Variants in LRRK1 observed in about 807,000 individuals in gnomAD.
The protein encoded by LRRK1 is leucine-rich repeat serine/threonine-protein kinase 1.
In LRRK1, 113 loss-of-function variants were observed where a neutral mutation model predicts 209.1. That is an observed-to-expected ratio of 0.54 (90% CI 0.46 to 0.63). The LOEUF is 0.63. Among genes scored for constraint, LRRK1 ranks in the 30% least tolerant of loss-of-function variants. The pLI, the probability that LRRK1 is intolerant of heterozygous loss-of-function variation, is 0.00. For missense variants in LRRK1, 2,284 were observed against 2,632.2 expected (o/e 0.87, Z 2.89); for synonymous variants, 1,144 against 1,099.7 (o/e 1.04, Z -0.80).
intron 1 of LRRK1, among the ~76,000 whole-genome samples, chr15:100,922,042 G>T (rs2141588321): frequency 6.6e-6 from 1 of 152,230 alleles, no homozygotes; most frequent in South Asian, 2.1e-4. Flanking sequence ...TAAATGTTTA[G>T]GTTTATTCAT....
chr15:100,941,330 G>GTGTGTGTGTGTC (rs2042408593), intron 2 of LRRK1, among the ~76,000 whole-genome samples: 1 of 150,356 alleles, frequency 6.7e-6, no homozygotes, highest in African/African-American at 2.5e-5. Context: ...GTGTGTGTCT[G>GTGTGTGTGTGTC]TGTCTCTGTG....
intron 16 of LRRK1, among the ~76,000 whole-genome samples, 154 bp from the exon 17 acceptor site, chr15:101,025,811 G>A (rs2034000538): frequency 6.6e-6 from 1 of 152,216 alleles, no homozygotes; most frequent in Non-Finnish European, 1.5e-5. Flanking sequence ...AGATTTGGAG[G>A]AGGCAAACAT....
intron 2 of LRRK1, among the ~76,000 whole-genome samples, chr15:100,969,471 C>T (rs2030713999): frequency 6.6e-6 from 1 of 152,044 alleles, no homozygotes; most frequent in Admixed American, 6.5e-5. Flanking sequence ...CATGATTCAT[C>T]TCAGTTATTT....
chr15:101,040,491 C>A (rs1363412373), intron 20 of LRRK1, among the ~76,000 whole-genome samples: 1 of 151,892 alleles, frequency 6.6e-6, no homozygotes, highest in African/African-American at 2.4e-5. Flanking sequence ...TTGCTGATTT[C>A]TTCTATTATT....
In LRRK1 at chr15:100,932,924, C is replaced by T. The variant is rs550310167; in HGVS notation, c.97+8195C>T. 2.6e-5 allele frequency among the ~76,000 whole-genome samples: 4 copies of T among 152,290 alleles called. No individual in the cohort carries two copies. The East Asian group carries it at 5.8e-4, about 22-fold the overall frequency. On this transcript the variant is annotated intron_variant, in intron 2 of 33. Coordinates refer to ENST00000388948, the MANE Select transcript of LRRK1 (RefSeq NM_024652.6). ...GTGACTTTAAATGACATGTTCCCTTCGTGATGACGAGTGCCTGGAGACCCA... is the reference window on the plus strand; with the variant it reads ...GTGACTTTAAATGACATGTTCCCTTTGTGATGACGAGTGCCTGGAGACCCA...
chr15:101,053,516 C>A, intron 26 of LRRK1, 96 bp downstream of exon 26: 4 of 1,141,096 alleles, frequency 3.5e-6, no homozygotes, highest in Non-Finnish European at 4.9e-6. Context: ...GTGGCCTTGG[C>A]AAGCCCAGGG....
At chr15:100,946,342 G>A (rs984284291) in intron 2 of LRRK1, among the ~76,000 whole-genome samples, 8 of 151,722 alleles carry the variant, frequency 5.3e-5, no homozygotes, top group Non-Finnish European at 7.4e-5. Context: ...TAGTTGCAGC[G>A]TATGCTAAAA....
intron 6 of LRRK1, among the ~76,000 whole-genome samples, chr15:100,999,696 T>C (rs2032597770): frequency 3.3e-5 from 5 of 152,250 alleles, no homozygotes; most frequent in Admixed American, 3.3e-4. Flanking sequence ...ATTAGGAGAC[T>C]TGGGGAGCTG....
At chr15:101,005,985 A>G (rs2032930895) in intron 6 of LRRK1, among the ~76,000 whole-genome samples, 1 of 152,212 alleles carries the variant, frequency 6.6e-6, no homozygotes, top group South Asian at 2.1e-4. Flanking sequence ...CGGAGGCTAA[A>G]CCCATGGGGC....
chr15:100,946,048 A>G (rs2042534570), intron 2 of LRRK1, among the ~76,000 whole-genome samples: 1 of 152,206 alleles, frequency 6.6e-6, no homozygotes, highest in African/African-American at 2.4e-5. Flanking sequence ...AATAGCGGTA[A>G]ATATATCAGG....
intron 2 of LRRK1, among the ~76,000 whole-genome samples, chr15:100,972,363 A>AGAGAGTGT (rs1176201849): frequency 1.7e-3 from 166 of 98,488 alleles, no homozygotes; most frequent in African/African-American, 3.6e-3. Flanking sequence ...AGAGAGAGAG[A>AGAGAGTGT]GTGTGTGTGT....
At chr15:100,993,345 T>A (rs1193173565) in intron 6 of LRRK1, among the ~76,000 whole-genome samples, 1 of 152,120 alleles carries the variant, frequency 6.6e-6, no homozygotes, top group Non-Finnish European at 1.5e-5. Context: ...TATAGAGATA[T>A]ATAGATATAT....
intron 29 of LRRK1, among the ~76,000 whole-genome samples, chr15:101,059,460 T>C (rs901311423): frequency 1.4e-5 from 2 of 146,794 alleles, no homozygotes; most frequent in Non-Finnish European, 3.1e-5. Context: ...TGGGATGTAC[T>C]CTAAGGACAA....
chr15:100,989,197 G>A (rs993289897), intron 5 of LRRK1, 53 bp from the exon 6 acceptor site: 13 of 1,525,594 alleles, frequency 8.5e-6, no homozygotes, highest in African/African-American at 2.8e-5. Flanking sequence ...CCCTTCCAAC[G>A]ACTGTGACAC....
intron 10 of LRRK1, among the ~76,000 whole-genome samples, 168 bp downstream of exon 10, chr15:101,012,313 G>C (rs2033292136): frequency 6.6e-6 from 1 of 152,190 alleles, no homozygotes; most frequent in Non-Finnish European, 1.5e-5. Context: ...ACAGCGATGA[G>C]GGTGGCACGT....
intron 2 of LRRK1, among the ~76,000 whole-genome samples, chr15:100,968,144 A>C (rs1408071338): frequency 5.3e-5 from 8 of 151,978 alleles, no homozygotes; most frequent in Non-Finnish European, 1.2e-4. Flanking sequence ...GGTTTCTTTC[A>C]CTCAGCATTA....
chr15:101,033,756 G>T (rs1432321650), intron 20 of LRRK1, among the ~76,000 whole-genome samples: 1 of 152,056 alleles, frequency 6.6e-6, no homozygotes, highest in Non-Finnish European at 1.5e-5. Flanking sequence ...TTAATACCTG[G>T]GTTCTTTTCC....
At chr15:101,057,935 G>A in intron 28 of LRRK1, 55 bp from the exon 29 acceptor site, 1 of 1,594,372 alleles carries the variant, frequency 6.3e-7, no homozygotes, top group African/African-American at 1.3e-5. Context: ...GGCAGAACGG[G>A]CACCAATCCG....
At chr15:101,002,827 G>A (rs997352545) in intron 6 of LRRK1, among the ~76,000 whole-genome samples, 3 of 152,158 alleles carry the variant, frequency 2.0e-5, no homozygotes, top group Non-Finnish European at 2.9e-5. Flanking sequence ...TCCATCTCCC[G>A]GGTTCAAGTG....
Sources: gnomAD v4.1 joint callset for allele counts (sites outside exome capture counted in the v4.1 genomes callset) on GRCh38, gnomAD v4.1.1 for gene constraint, MANE v1.5 for transcripts, NCBI Gene and HGNC (gene_info 2026-07-23, HGNC 2026-07-21) for gene names.